USP32: variants seen among roughly 807,000 people sequenced by gnomAD.
USP32 encodes ubiquitin carboxyl-terminal hydrolase 32.
Under a neutral mutation model 204.8 loss-of-function variants are expected in USP32, and 59 were observed. The ratio of observed to expected loss-of-function variants is 0.29; its 90% CI spans 0.23 to 0.36. The LOEUF (loss-of-function observed/expected upper bound fraction) is 0.36. Among genes scored for constraint, USP32 ranks in the 10% least tolerant of loss-of-function variants. The pLI is 1.00. For synonymous variants in USP32, 517 were observed against 678.4 expected, an observed-to-expected ratio of 0.76 and a Z score of 3.70; for missense variants, 1,160 against 1,946.4, an observed-to-expected ratio of 0.60 and a Z score of 7.60.
intron 1 of USP32, among the ~76,000 whole-genome samples, chr17:60,362,639 T>A (rs2089233003): frequency 6.6e-6 from 1 of 152,204 alleles, no homozygotes. Flanking sequence ...TTCGTTTCCA[T>A]AATATAACAA....
chr17:60,302,209 C>T (rs1453948224), intron 2 of USP32, among the ~76,000 whole-genome samples: 1 of 151,938 alleles, frequency 6.6e-6, no homozygotes, highest in African/African-American at 2.4e-5. Context: ...CATCTTGGCT[C>T]ACTGCAACCT....
chr17:60,288,728 A>G (rs1327843006), intron 4 of USP32, 46 bp from the exon 5 acceptor site: 9 of 1,539,648 alleles, frequency 5.8e-6, no homozygotes, highest in Admixed American at 4.1e-5. Flanking sequence ...ATTTTAAGGT[A>G]TCTTACTTGG....
chr17:60,316,150 G>T, intron 2 of USP32: 3 of 273,038 alleles, frequency 1.1e-5, no homozygotes, highest in South Asian at 7.0e-5. Flanking sequence ...TGCTATCCAT[G>T]CCAAACATGT....
chr17:60,411,024 A>G (rs1415032529), intron 1 of USP32, among the ~76,000 whole-genome samples: 1 of 151,714 alleles, frequency 6.6e-6, no homozygotes, highest in African/African-American at 2.4e-5. Context: ...AAAAAAAAAA[A>G]AGTTTTTAAA....
chr17:60,384,076 T>C (rs1328824804), intron 1 of USP32, among the ~76,000 whole-genome samples: 14 of 152,142 alleles, frequency 9.2e-5, no homozygotes, highest in Admixed American at 9.2e-4. Context: ...AGATTCTAAC[T>C]GGAGATAAGG....
chr17:60,246,943 G>A (rs1384800241), intron 11 of USP32, among the ~76,000 whole-genome samples: 1 of 152,098 alleles, frequency 6.6e-6, no homozygotes, highest in Non-Finnish European at 1.5e-5. Flanking sequence ...AAACCTTGAT[G>A]AATGGATAGT....
chr17:60,346,103 A>G (rs1036647787), intron 1 of USP32, among the ~76,000 whole-genome samples: 16 of 151,962 alleles, frequency 1.1e-4, no homozygotes, highest in African/African-American at 3.6e-4. Context: ...TCTAATTTAG[A>G]AAATAAGTAT....
intron 11 of USP32, chr17:60,249,497 G>T (rs561123556): frequency 1.3e-4 from 61 of 467,858 alleles, no homozygotes; most frequent in African/African-American, 1.1e-3. Flanking sequence ...TCCCCAAGCT[G>T]GTGATGTCAG....
chr17:60,273,346 G>T (rs1005024613), intron 5 of USP32, among the ~76,000 whole-genome samples: 3 of 152,122 alleles, frequency 2.0e-5, no homozygotes, highest in East Asian at 3.8e-4. Flanking sequence ...TCTGAGTTGT[G>T]ACCAGCTGAA....
chr17:60,275,156 T>C (rs1333944070), intron 5 of USP32, among the ~76,000 whole-genome samples: 1 of 152,188 alleles, frequency 6.6e-6, no homozygotes, highest in Non-Finnish European at 1.5e-5. Flanking sequence ...ATAAGTTTAA[T>C]GAATAAATGA....
At chr17:60,192,134 T>C (rs1442269152) in intron 28 of USP32, among the ~76,000 whole-genome samples, 5 of 151,766 alleles carry the variant, frequency 3.3e-5, no homozygotes, top group Non-Finnish European at 7.4e-5. Flanking sequence ...CTACTAAAAA[T>C]ACAAAAATTA....
At chr17:60,264,949 T>TA (rs2086553482) in intron 9 of USP32, among the ~76,000 whole-genome samples, 1 of 152,056 alleles carries the variant, frequency 6.6e-6, no homozygotes, top group African/African-American at 2.4e-5. Flanking sequence ...CAGATATCCT[T>TA]ACGGTTGTTC....
chr17:60,213,050 G>A (rs1344785608), intron 18 of USP32, among the ~76,000 whole-genome samples: 2 of 152,174 alleles, frequency 1.3e-5, no homozygotes, highest in Non-Finnish European at 2.9e-5. Flanking sequence ...ACTGCGCCCG[G>A]CCTATTCATT....
At chr17:60,414,088 C>T (rs1484917073) in intron 1 of USP32, among the ~76,000 whole-genome samples, 4 of 151,898 alleles carry the variant, frequency 2.6e-5, no homozygotes, top group African/African-American at 7.3e-5. Context: ...ATCGGCTGGG[C>T]GTGGTGGCTC....
chr17:60,303,522 C>G (rs1379191219), intron 2 of USP32, among the ~76,000 whole-genome samples: 2 of 151,260 alleles, frequency 1.3e-5, no homozygotes, highest in African/African-American at 2.4e-5. Context: ...AAGAAAGAGC[C>G]CTAACCCCTA....
chr17:60,299,428 G>A (rs2087518391), intron 3 of USP32, among the ~76,000 whole-genome samples: 1 of 152,198 alleles, frequency 6.6e-6, no homozygotes, highest in South Asian at 2.1e-4. Flanking sequence ...AAGCAGAAGA[G>A]CAAGAGAACA....
At chr17:60,197,858 A>C (rs1468346748) in intron 27 of USP32, among the ~76,000 whole-genome samples, 1 of 152,236 alleles carries the variant, frequency 6.6e-6, no homozygotes, top group African/African-American at 2.4e-5. Context: ...ATCCAACAGA[A>C]TTATTTTTTG....
chr17:60,369,422 C>A (rs553398826), intron 1 of USP32, among the ~76,000 whole-genome samples: 1 of 109,226 alleles, frequency 9.2e-6, no homozygotes, highest in African/African-American at 6.0e-5. Flanking sequence ...AGACCCCTAC[C>A]TAAAAAAAAA....
At chr17:60,422,373 G>C in exon 1 of USP32, 1 of 1,243,934 alleles carries the variant, frequency 8.0e-7, no homozygotes, top group Non-Finnish European at 1.1e-6. Flanking sequence ...CCCTAGTCCA[G>C]ATCCCAGCTG....
Sources: allele counts gnomAD v4.1 joint callset (sites outside exome capture counted in the v4.1 genomes callset), GRCh38; gene constraint gnomAD v4.1.1; transcripts MANE v1.5; gene names NCBI Gene and HGNC (gene_info 2026-07-23, HGNC 2026-07-21).